The following NTNG1 variants were observed in gnomAD, a reference collection of about 807,000 sequenced individuals.
NTNG1 encodes the protein netrin G1.
Under a neutral mutation model 54.0 loss-of-function variants are expected in NTNG1, and 16 were observed. The ratio of observed to expected loss-of-function variants is 0.30; its 90% CI spans 0.20 to 0.45. The LOEUF (loss-of-function observed/expected upper bound fraction) is 0.45. Ranked by LOEUF, NTNG1 falls within the 20% of genes least tolerant of loss-of-function variation. The pLI, the probability that NTNG1 is intolerant of heterozygous loss-of-function variation, is 1.00. For missense variants in NTNG1, 530 were observed against 678.7 expected (o/e 0.78, Z 2.43); for synonymous variants, 255 against 263.1 (o/e 0.97, Z 0.30).
At chr1:107,424,594 A>G (rs1674772372) in intron 5 of NTNG1, among the ~76,000 whole-genome samples, 1 of 152,094 alleles carries the variant, frequency 6.6e-6, no homozygotes, top group African/African-American at 2.4e-5. Flanking sequence ...GTCTGAGGAA[A>G]AGGTGGTAGA....
chr1:107,306,833 G>A (rs763120007), intron 2 of NTNG1, among the ~76,000 whole-genome samples: 1 of 152,082 alleles, frequency 6.6e-6, no homozygotes, highest in African/African-American at 2.4e-5. Flanking sequence ...AAGTGACTTG[G>A]TTGTTTTCTA....
intron 2 of NTNG1, among the ~76,000 whole-genome samples, chr1:107,318,673 G>C (rs895270036): frequency 6.6e-6 from 1 of 152,214 alleles, no homozygotes; most frequent in Non-Finnish European, 1.5e-5. Context: ...GAACAGAAAC[G>C]TTTCGACTGA....
intron 2 of NTNG1, among the ~76,000 whole-genome samples, chr1:107,303,727 G>A (rs886868758): frequency 3.3e-5 from 5 of 151,916 alleles, no homozygotes; most frequent in South Asian, 2.1e-4. Context: ...TTGCTCTGTC[G>A]CCAAGGTGTA....
intron 7 of NTNG1, among the ~76,000 whole-genome samples, chr1:107,470,115 A>G (rs1677885290): frequency 6.6e-6 from 1 of 152,238 alleles, no homozygotes; most frequent in South Asian, 2.1e-4. Context: ...CAAGGAATCA[A>G]GTCTAAGACC....
chr1:107,376,263 C>T (rs1671229335), intron 3 of NTNG1, among the ~76,000 whole-genome samples: 1 of 152,002 alleles, frequency 6.6e-6, no homozygotes, highest in Non-Finnish European at 1.5e-5. Flanking sequence ...AAGAAATTAG[C>T]TGGGCGCGGT....
At chr1:107,229,696 C>T (rs1270818504) in intron 2 of NTNG1, among the ~76,000 whole-genome samples, 1 of 151,638 alleles carries the variant, frequency 6.6e-6, no homozygotes, top group African/African-American at 2.4e-5. Context: ...GATTGCTATG[C>T]CATGACAGTT....
chr1:107,372,522 A>G lies in NTNG1; in HGVS notation c.888-22632A>G, dbSNP rs566450499. ...TTTTCAGTGTAGTTTCATTATAATC[A>G]GAGAACATACATTGTATAACTTCAT... On this transcript the variant is annotated intron_variant, in intron 3 of 7. Coordinates refer to ENST00000370068, the MANE Select transcript of NTNG1 (RefSeq NM_001113226.3). Among the ~76,000 whole-genome samples the G allele has an allele frequency of 3.9e-4, 60 of 152,230 alleles. No individual in the cohort carries two copies. In the South Asian group the frequency reaches 8.3e-3, roughly 21 times the overall value.
intron 2 of NTNG1, among the ~76,000 whole-genome samples, chr1:107,196,582 A>G (rs1175128311): frequency 6.6e-6 from 1 of 151,902 alleles, no homozygotes; most frequent in Non-Finnish European, 1.5e-5. Flanking sequence ...GTGCCTTTGA[A>G]AAAATAACAC....
At chr1:107,181,298 C>T (rs1264633120) in intron 2 of NTNG1, among the ~76,000 whole-genome samples, 1 of 152,074 alleles carries the variant, frequency 6.6e-6, no homozygotes, top group Non-Finnish European at 1.5e-5. Flanking sequence ...TGAAATAACC[C>T]ATGACTGAAA....
chr1:107,407,554 G>T, intron 4 of NTNG1, 128 bp from the exon 5 acceptor site: 1 of 671,198 alleles, frequency 1.5e-6, no homozygotes. Flanking sequence ...TATTTTGTGT[G>T]TGTGCTAATT....
intron 5 of NTNG1, among the ~76,000 whole-genome samples, chr1:107,421,717 A>G (rs997541537): frequency 2.6e-5 from 4 of 152,134 alleles, no homozygotes; most frequent in Non-Finnish European, 5.9e-5. Flanking sequence ...TCTGTGACTC[A>G]TGAATGGCCC....
At chr1:107,470,182 T>A (rs72701252) in intron 7 of NTNG1, among the ~76,000 whole-genome samples, 2,263 of 152,244 alleles carry the variant, frequency 0.015, 45 homozygotes, top group South Asian at 0.019. Context: ...TAATTGGTAG[T>A]CCTACTAGAA....
intron 2 of NTNG1, 73 bp downstream of exon 2, chr1:107,148,912 G>A (rs560875750): frequency 9.8e-6 from 14 of 1,426,588 alleles, no homozygotes; most frequent in Admixed American, 3.7e-5. Context: ...GATGTGGTGA[G>A]TGTGAAGACA....
At chr1:107,312,305 A>C (rs1667063468) in intron 2 of NTNG1, among the ~76,000 whole-genome samples, 1 of 152,160 alleles carries the variant, frequency 6.6e-6, no homozygotes, top group Non-Finnish European at 1.5e-5. Flanking sequence ...AGGAAATGGA[A>C]GAATTTGGTA....
intron 2 of NTNG1, among the ~76,000 whole-genome samples, chr1:107,157,369 T>C (rs1216554223): frequency 2.6e-5 from 4 of 152,188 alleles, no homozygotes; most frequent in South Asian, 2.1e-4. Flanking sequence ...AGGTTCTTGA[T>C]TGGTGTTGTC....
At chr1:107,476,183 T>C (rs1002673703) in intron 7 of NTNG1, among the ~76,000 whole-genome samples, 2 of 152,226 alleles carry the variant, frequency 1.3e-5, no homozygotes, top group Non-Finnish European at 1.5e-5. Flanking sequence ...CATACCTTCA[T>C]AGGATCACTG....
intron 2 of NTNG1, among the ~76,000 whole-genome samples, chr1:107,280,842 C>T (rs1192882455): frequency 6.7e-6 from 1 of 149,710 alleles, no homozygotes; most frequent in African/African-American, 2.5e-5. Context: ...ATTTCACAAA[C>T]AGTCCTCTGA....
intron 3 of NTNG1, among the ~76,000 whole-genome samples, chr1:107,352,497 A>T (rs751066734): frequency 6.6e-5 from 10 of 152,312 alleles, no homozygotes; most frequent in Non-Finnish European, 1.0e-4. Flanking sequence ...CCAGCCCCAC[A>T]TTTCCCCTCT....
At chr1:107,454,919 C>T (rs373651978) in intron 7 of NTNG1, among the ~76,000 whole-genome samples, 38 of 152,218 alleles carry the variant, frequency 2.5e-4, no homozygotes, top group East Asian at 2.1e-3. Context: ...AGCTCTCTTC[C>T]TCTCCACCCC....
Sources: allele counts gnomAD v4.1 joint callset (sites outside exome capture counted in the v4.1 genomes callset), GRCh38; gene constraint gnomAD v4.1.1; transcripts MANE v1.5; gene names NCBI Gene and HGNC (gene_info 2026-07-23, HGNC 2026-07-21).